Variants in ARMH3 observed in about 807,000 individuals in gnomAD.
ARMH3 encodes armadillo like helical domain containing 3.
In ARMH3, 60 loss-of-function variants were observed where a neutral mutation model predicts 99.1. The observed-to-expected ratio is 0.61, with a 90% CI of 0.49 to 0.75. The LOEUF (loss-of-function observed/expected upper bound fraction) is 0.75. ARMH3 is among the 30% of genes least tolerant of loss of function. The pLI is 0.00. For synonymous variants in ARMH3, 285 were observed against 292.8 expected, an observed-to-expected ratio of 0.97 and a Z score of 0.27; for missense variants, 679 against 843.1, an observed-to-expected ratio of 0.81 and a Z score of 2.41.
At chr10:101,956,745 A>G (rs537178610) in intron 21 of ARMH3, 22 bp from the exon 22 acceptor site, 36 of 1,611,028 alleles carry the variant, frequency 2.2e-5, no homozygotes, top group Middle Eastern at 3.4e-4. Context: ...GGAAAGGCCC[A>G]TATATAGGCA....
At position 101,900,975 on chromosome 10, in the gene ARMH3, C is replaced by T. The variant is rs555443981; in HGVS notation, c.1782-11485G>A. Among the ~76,000 whole-genome samples, 7 of 151,884 alleles carry T rather than the reference C, an allele frequency of 4.6e-5. No homozygotes were observed. In the South Asian group the frequency reaches 1.5e-3, roughly 32 times the overall value. ...CTCCAGCCTGGGCAACAGAGCAAGA[C>T]CCTGTCTCTAAAAATAAAGGGAAAT... On this transcript the variant is annotated intron_variant, in intron 23 of 25. Transcript: ENST00000370033.
chr10:101,926,540 G>A (rs1216058648), intron 23 of ARMH3, among the ~76,000 whole-genome samples: 1 of 151,974 alleles, frequency 6.6e-6, no homozygotes, highest in African/African-American at 2.4e-5. Flanking sequence ...TATGTGGAGA[G>A]GGAAAAATAA....
chr10:101,846,348 A>T lies in ARMH3; in HGVS notation c.*1180T>A, dbSNP rs1329025459. The T allele has an allele frequency of 7.0e-6, 1 of 143,148 alleles. No individual in the cohort carries two copies. The highest frequency in any genetic ancestry group is 1.5e-5 in the Non-Finnish European group (1 of 65,908). 8.9% of individuals were successfully genotyped at this position (143,148 alleles called of 1,614,324 possible). A position where few individuals can be genotyped will look rare whatever the true frequency, so the allele number is the denominator to read the frequency against. On this transcript the variant is annotated 3_prime_UTR_variant, in exon 26 of 26. Coordinates refer to ENST00000370033, the MANE Select transcript of ARMH3 (RefSeq NM_024541.3). ...TGGAGGGGAGCTCAGCAGAGGCAGG[A>T]GAGGCTGCCAGAGGAGGGGGGGCTA...
intron 24 of ARMH3, among the ~76,000 whole-genome samples, chr10:101,867,342 A>G (rs1215187521): frequency 6.6e-6 from 1 of 152,224 alleles, no homozygotes; most frequent in East Asian, 1.9e-4. Flanking sequence ...GACCCCACGA[A>G]TTCAGCACCA....
intron 19 of ARMH3, among the ~76,000 whole-genome samples, chr10:101,984,547 T>A (rs1326571176): frequency 6.6e-6 from 1 of 151,998 alleles, no homozygotes; most frequent in Non-Finnish European, 1.5e-5. Flanking sequence ...CCCCCTTTGA[T>A]AACGCCATCC....
chr10:102,031,194 G>A lies in ARMH3; in HGVS notation c.307-1449C>T, dbSNP rs1037299709. On this transcript the variant is annotated intron_variant, in intron 4 of 25. Coordinates refer to ENST00000370033, the MANE Select transcript of ARMH3 (RefSeq NM_024541.3). The stretch of plus-strand genomic sequence containing the variant: ...AATCCTCATCCACTACTTACTAGCT[G>A]TGAGAACCCAGACACACACATTAGT... Among the ~76,000 whole-genome samples the A allele has an allele frequency of 4.6e-5, 7 of 152,150 alleles. No individual in the cohort carries two copies. In the East Asian group the frequency reaches 1.3e-3, roughly 29 times the overall value.
chr10:102,031,637 GA>G (rs2067133296), intron 4 of ARMH3, among the ~76,000 whole-genome samples: 1 of 152,218 alleles, frequency 6.6e-6, no homozygotes, highest in Non-Finnish European at 1.5e-5. Context: ...CTACAGATGA[GA>G]AAACTGGGGC....
chr10:101,905,677 C>A (rs577275429), intron 23 of ARMH3, among the ~76,000 whole-genome samples: 2 of 152,200 alleles, frequency 1.3e-5, no homozygotes, highest in African/African-American at 4.8e-5. Context: ...ACAAATAAGG[C>A]TAGAAAGGTA....
At chr10:101,928,359 T>C (rs555079163) in intron 23 of ARMH3, among the ~76,000 whole-genome samples, 3 of 152,320 alleles carry the variant, frequency 2.0e-5, no homozygotes, top group African/African-American at 7.2e-5. Context: ...TTTTTCATAG[T>C]CAGGTAGCTT....
At chr10:101,947,166 G>A (rs973028718) in intron 22 of ARMH3, among the ~76,000 whole-genome samples, 18 of 151,102 alleles carry the variant, frequency 1.2e-4, no homozygotes, top group African/African-American at 3.9e-4. Context: ...CAGCCTAGGC[G>A]ACAGAGCGAG....
At chr10:102,011,252 G>A (rs1249103230) in intron 11 of ARMH3, among the ~76,000 whole-genome samples, 1 of 151,966 alleles carries the variant, frequency 6.6e-6, no homozygotes, top group Non-Finnish European at 1.5e-5. Context: ...CTCAACCCTA[G>A]GACCAGCTAT....
At chr10:101,863,659 C>T (rs1315888865) in intron 24 of ARMH3, among the ~76,000 whole-genome samples, 2 of 151,944 alleles carry the variant, frequency 1.3e-5, no homozygotes, top group Admixed American at 6.6e-5. Flanking sequence ...CATGGTAGCT[C>T]GTGCCTGTAA....
At chr10:102,021,057 C>T (rs1162553640) in intron 8 of ARMH3, among the ~76,000 whole-genome samples, 1 of 151,778 alleles carries the variant, frequency 6.6e-6, no homozygotes, top group African/African-American at 2.4e-5. Context: ...TATACCATAC[C>T]TTTTCTAGGT....
chr10:102,040,022 C>A lies in ARMH3; in HGVS notation c.93G>T (p.Glu31Asp), dbSNP rs2067372381. The A allele has an allele frequency of 6.2e-7, 1 of 1,613,892 alleles. No individual in the cohort carries two copies. Among genetic ancestry groups the A allele is most frequent in the Non-Finnish European group, 8.5e-7 (1 of 1,179,740 alleles). Residue 31 changes from glutamate (E) to aspartate (D), a missense_variant, in exon 2 of 26, where the codon GAG becomes GAT. By Grantham distance (45) the Glu-to-Asp change is conservative. This residue lies in a region of ARMH3 where 280 missense variants were observed against 354.6 expected (regional missense o/e 0.79). Transcript: ENST00000370033. ...AGGCCGCAGGCCTTACCATGAAGATCTCATCATACATCAGCACCACTTTTT... is the reference window on the plus strand; with the variant it reads ...AGGCCGCAGGCCTTACCATGAAGATATCATCATACATCAGCACCACTTTTT... ...LKEKVVLMYD[E>D]IFMTEDPSKC...
At chr10:101,986,025 T>A (rs1011481015) in intron 19 of ARMH3, among the ~76,000 whole-genome samples, 6 of 151,242 alleles carry the variant, frequency 4.0e-5, no homozygotes, top group East Asian at 3.9e-4. Flanking sequence ...CAAAAAAAAA[T>A]AAAAATAAAT....
intron 22 of ARMH3, among the ~76,000 whole-genome samples, chr10:101,951,215 TC>T (rs1844767417): frequency 2.0e-5 from 3 of 152,156 alleles, no homozygotes; most frequent in African/African-American, 7.2e-5. Context: ...ATATCAGTTT[TC>T]CCCAAAATGA....
At chr10:101,946,612 A>T (rs1844543933) in intron 22 of ARMH3, among the ~76,000 whole-genome samples, 1 of 152,194 alleles carries the variant, frequency 6.6e-6, no homozygotes. Flanking sequence ...ATAATTAAAT[A>T]CGAAGAATAG....
intron 23 of ARMH3, among the ~76,000 whole-genome samples, chr10:101,907,227 G>C (rs1842668361): frequency 6.6e-6 from 1 of 152,094 alleles, no homozygotes; most frequent in African/African-American, 2.4e-5. Context: ...TGAACTCCTT[G>C]CTCTTCTAGA....
intron 19 of ARMH3, among the ~76,000 whole-genome samples, chr10:101,988,019 T>C (rs1199769536): frequency 1.3e-5 from 2 of 152,222 alleles, no homozygotes; most frequent in African/African-American, 4.8e-5. Flanking sequence ...AAGCATCCTT[T>C]TGAGAGGCCC....
Sources: gnomAD v4.1 joint callset for allele counts (sites outside exome capture counted in the v4.1 genomes callset) on GRCh38, gnomAD v4.1.1 for gene constraint, gnomAD v4.1.1 regional missense constraint, MANE v1.5 for transcripts, NCBI Gene and HGNC (gene_info 2026-07-23, HGNC 2026-07-21) for gene names.